Variants in KDM5C observed in about 807,000 individuals in gnomAD.
The protein encoded by KDM5C is lysine demethylase 5C, also known as lysine-specific demethylase 5C.
In KDM5C, 16 loss-of-function variants were observed where a neutral mutation model predicts 110.6. That is an observed-to-expected ratio of 0.14 (90% CI 0.10 to 0.22). The LOEUF is 0.22. Among genes scored for constraint, KDM5C ranks in the 10% least tolerant of loss-of-function variants. KDM5C has a pLI of 1.00. For missense variants in KDM5C, 681 were observed against 1,300.9 expected, an observed-to-expected ratio of 0.52 and a Z score of 7.33; for synonymous variants, 511 against 520.4, an observed-to-expected ratio of 0.98 and a Z score of 0.24.
intron 12 of KDM5C, among the ~76,000 whole-genome samples, chrX:53,209,054 T>C (rs2073477269): frequency 1.8e-5 from 2 of 109,936 alleles, no homozygotes; most frequent in Non-Finnish European, 3.8e-5. Flanking sequence ...TGACCTCAAG[T>C]GATCTGACTG....
chrX:53,182,729 G>C (rs1228108380), intron 25 of KDM5C, among the ~76,000 whole-genome samples: 1 of 112,908 alleles, frequency 8.9e-6, no homozygotes, highest in African/African-American at 3.2e-5. Context: ...GGAGTTGTTT[G>C]TATATTCTGG....
At chrX:53,196,622 T>C (rs1934878029) in intron 19 of KDM5C, 64 bp downstream of exon 19, 7 of 973,738 alleles carry the variant, frequency 7.2e-6, no homozygotes, top group African/African-American at 1.9e-5. Context: ...CATCCTCTTC[T>C]GGGTCTCCAC....
At chrX:53,184,857 A>T (rs181659971) in intron 25 of KDM5C, among the ~76,000 whole-genome samples, 27 of 111,942 alleles carry the variant, frequency 2.4e-4, no homozygotes, top group Admixed American at 6.6e-4. Context: ...TCCTGGATGT[A>T]CTTTGTTAGT....
chrX:53,206,291 T>C (rs782529495), intron 12 of KDM5C, among the ~76,000 whole-genome samples: 5 of 111,350 alleles, frequency 4.5e-5, no homozygotes, highest in African/African-American at 1.3e-4. Flanking sequence ...AACAGATGAA[T>C]GGTTGACTGG....
chrX:53,194,019 G>A (rs1462834947), intron 23 of KDM5C, 120 bp downstream of exon 23: 6 of 1,016,972 alleles, frequency 5.9e-6, no homozygotes, highest in Non-Finnish European at 6.8e-6. Context: ...GCAGAATGGA[G>A]TAGGAAGGCT....
Position 53,199,119 on chromosome X carries a change from G to A in KDM5C, c.2101C>T (p.Pro701Ser). 8.3e-7 allele frequency: 1 copy of A among 1,211,756 alleles called. No individual in the cohort carries two copies. The highest frequency in any genetic ancestry group is 1.1e-6 in the Non-Finnish European group (1 of 895,434). ...TTGATACACTGGCGCTCATCATCTG[G>A]GAGCAGCTCGAAAGCCTCTCGCTCA... ...EAEREAFELLPDDERQCIKCK... is the reference protein window; with the variant it reads ...EAEREAFELLSDDERQCIKCK... Residue 701 changes from proline to serine, a missense_variant, in exon 15 of 26, where the codon CCA becomes TCA. Coordinates refer to ENST00000375401, the MANE Select transcript of KDM5C (RefSeq NM_004187.5).
chrX:53,193,697 C>T lies in KDM5C; in HGVS notation c.4118-61G>A, dbSNP rs984224230. 15 of 1,182,362 alleles carry T rather than the reference C, an allele frequency of 1.3e-5. No homozygotes were observed. In the African/African-American group the frequency reaches 2.6e-4, roughly 21 times the overall value. On this transcript the variant is annotated intron_variant, in intron 24 of 25. Coordinates refer to ENST00000375401, the MANE Select transcript of KDM5C (RefSeq NM_004187.5). ...GCCCTTGGTCTTATCCCCACCACTA[C>T]AACAGAGCTGAGGACTACATGGGTC...
intron 25 of KDM5C, among the ~76,000 whole-genome samples, chrX:53,176,699 A>G (rs1286699989): frequency 8.9e-6 from 1 of 112,249 alleles, no homozygotes; most frequent in Non-Finnish European, 1.9e-5. Flanking sequence ...GTTGATTTCA[A>G]TACTATACAG....
chrX:53,217,627 C>T (rs1350969920), intron 4 of KDM5C, among the ~76,000 whole-genome samples, 169 bp downstream of exon 4: 1 of 112,049 alleles, frequency 8.9e-6, no homozygotes, highest in Middle Eastern at 4.2e-3. Context: ...GTACAGATAA[C>T]TCCAGGACCT....
In KDM5C at chrX:53,217,115, T is replaced by C. The variant is rs782319939; in HGVS notation, c.657+28A>G. 3.3e-6 allele frequency: 4 copies of C among 1,196,210 alleles called. No homozygotes were observed. The Admixed American group carries it at 9.1e-5, about 27-fold the overall frequency. The stretch of plus-strand genomic sequence containing the variant: ...GAGAGGACTCCCTCCACCTCAAAGC[T>C]CTAAGTTCGAAGAAGGGGAGTACTC... On this transcript the variant is annotated intron_variant, in intron 5 of 25. Coordinates refer to ENST00000375401, the MANE Select transcript of KDM5C (RefSeq NM_004187.5).
At position 53,196,900 on chromosome X, in the gene KDM5C, G is replaced by A. The variant is rs782045207; in HGVS notation, c.2767C>T (p.Arg923Trp). ...AGCCATCGCGCCTGTTCCACCTGCC[G>A]CTGGAGCTGCTGGGCCTCAGGCACC... ...VEVPEAQQLQ[R>W]QVEQARWLDE... The change falls in exon 19 of 26, where the codon CGG (arginine) becomes TGG (tryptophan). Residue 923 changes from arginine (R) to tryptophan (W), a missense_variant. Physicochemically the swap from Arg to Trp is moderately radical, Grantham distance 101 (BLOSUM62 -3). Around this residue, in one of 14 missense-constraint regions of KDM5C, gnomAD observed 123 missense variants for 169.0 expected, o/e 0.73. Transcript: ENST00000375401. 5 of 1,201,845 alleles carry A rather than the reference G, an allele frequency of 4.2e-6. No individual in the cohort carries two copies. The highest frequency in any genetic ancestry group is 1.8e-5 in the South Asian group (1 of 55,545).
intron 8 of KDM5C, among the ~76,000 whole-genome samples, chrX:53,213,627 G>A (rs1183396230): frequency 9.0e-6 from 1 of 111,366 alleles, no homozygotes; most frequent in Non-Finnish European, 1.9e-5. Flanking sequence ...GTTCCTGCTA[G>A]TCCTCCACCT....
downstream of KDM5C, among the ~76,000 whole-genome samples, chrX:53,189,046 T>G (rs1446684832): frequency 1.8e-5 from 2 of 112,452 alleles, no homozygotes; most frequent in African/African-American, 6.5e-5. Flanking sequence ...TGTGCCCAGA[T>G]TCCTAACCAC....
chrX:53,220,770 T>C (rs868985997), intron 2 of KDM5C, 69 bp downstream of exon 2: 1 of 894,425 alleles, frequency 1.1e-6, no homozygotes, highest in South Asian at 2.1e-5. Flanking sequence ...AGAGAAACTA[T>C]AAGGGAAGTG....
chrX:53,211,581 C>T lies in KDM5C; in HGVS notation c.1317G>A (p.Glu439=), dbSNP rs371932760. Residue 439 remains glutamate (E), a synonymous_variant, in exon 10 of 26, where the codon GAG becomes GAA. Transcript: ENST00000375401. Reference sequence around the variant, plus strand: ...CTTTGGAATGGATGTCAGCTCCATACTCAACAGTCACATCTTCCTCAATGC... The same window carrying T: ...CTTTGGAATGGATGTCAGCTCCATATTCAACAGTCACATCTTCCTCAATGC... The part of the protein sequence containing the change: ...VNSIEEDVTV[E]YGADIHSKEF... The T allele has an allele frequency of 2.5e-6, 3 of 1,211,554 alleles. No individual in the cohort carries two copies.
intron 12 of KDM5C, chrX:53,202,346 A>G (rs1428929602): frequency 5.3e-6 from 1 of 189,188 alleles, no homozygotes; most frequent in African/African-American, 3.0e-5. Flanking sequence ...ATCTGTTATA[A>G]AATCAGCCAG....
rs782070676 is a variant in KDM5C, at chrX:53,217,180, T to C, written c.620A>G (p.Asn207Ser). The C allele has an allele frequency of 1.7e-6, 2 of 1,210,626 alleles. No individual in the cohort carries two copies. The highest frequency in any genetic ancestry group is 3.0e-5 in the East Asian group (1 of 33,832). ...TCTCTTGGCCCGCCGGCCATAGCTG[T>C]TGAACTTGGAAGGCTGCACAGACTG... is the stretch of plus-strand genomic sequence containing the variant. Reference protein sequence around the residue: ...LRQSVQPSKFNSYGRRAKRLQ... With the variant: ...LRQSVQPSKFSSYGRRAKRLQ... The change falls in exon 5 of 26, where the codon AAC (asparagine) becomes AGC (serine). Residue 207 changes from asparagine to serine, a missense_variant. Physicochemically the swap from Asn to Ser is conservative, Grantham distance 46 (BLOSUM62 1). This residue lies in a region of KDM5C where 55 missense variants were observed against 118.0 expected (regional missense o/e 0.47). Coordinates refer to ENST00000375401, the MANE Select transcript of KDM5C (RefSeq NM_004187.5).
downstream of KDM5C, among the ~76,000 whole-genome samples, chrX:53,187,509 C>T (rs782510316): frequency 6.1e-4 from 68 of 111,426 alleles, no homozygotes; most frequent in South Asian, 1.9e-3. Context: ...TTTATGTCTC[C>T]CATTTCCCCT....
rs782814949 is a variant in KDM5C, at chrX:53,205,693, A to C, written c.1747-3720T>G. On this transcript the variant is annotated intron_variant, in intron 12 of 25. Coordinates refer to ENST00000375401, the MANE Select transcript of KDM5C (RefSeq NM_004187.5). Reference sequence around the variant, plus strand: ...TTTGTTGCTCTTTTGCAGCACCTTTAATGCTTTATTCCACTTATTTACTCC... The same window carrying C: ...TTTGTTGCTCTTTTGCAGCACCTTTCATGCTTTATTCCACTTATTTACTCC... Among the ~76,000 whole-genome samples the C allele has an allele frequency of 1.6e-3, 176 of 111,541 alleles. 1 individual carries two copies. Among genetic ancestry groups the C allele is most frequent in the South Asian group, 0.011 (30 of 2,673 alleles).
Sources: gnomAD v4.1 joint callset for allele counts (sites outside exome capture counted in the v4.1 genomes callset) on GRCh38, gnomAD v4.1.1 for gene constraint, gnomAD v4.1.1 regional missense constraint, MANE v1.5 for transcripts, NCBI Gene and HGNC (gene_info 2026-07-23, HGNC 2026-07-21) for gene names.